Variants in LINGO2 observed in about 807,000 individuals in gnomAD.
The protein encoded by LINGO2 is leucine rich repeat and Ig domain containing 2.
A neutral mutation model predicts 30.6 loss-of-function variants in LINGO2; 14 were observed. The ratio of observed to expected loss-of-function variants is 0.46; its 90% CI spans 0.30 to 0.72. The LOEUF is 0.72. Ranked by LOEUF, LINGO2 falls within the 30% of genes least tolerant of loss-of-function variation. LINGO2 has a pLI of 0.07. For missense variants in LINGO2, 729 were observed against 751.7 expected (o/e 0.97, Z 0.35); for synonymous variants, 317 against 288.5 (o/e 1.10, Z -1.00).
intron 4 of LINGO2, among the ~76,000 whole-genome samples, chr9:28,174,173 G>A (rs553383470): frequency 1.6e-4 from 24 of 152,154 alleles, no homozygotes; most frequent in Non-Finnish European, 3.1e-4. Flanking sequence ...GGCTTAGTGT[G>A]GGTGACAACT....
chr9:28,241,267 C>CAAAAAAAAAAAAAAAAAAA (rs1164724626), intron 4 of LINGO2, among the ~76,000 whole-genome samples: 3 of 83,594 alleles, frequency 3.6e-5, no homozygotes, highest in Non-Finnish European at 4.6e-5. Flanking sequence ...GACCCTGTCT[C>CAAAAAAAAAAAAAAAAAAA]AAAAAAAAAA....
At chr9:28,437,406 A>G (rs971473094) in intron 2 of LINGO2, among the ~76,000 whole-genome samples, 2 of 152,092 alleles carry the variant, frequency 1.3e-5, no homozygotes, top group African/African-American at 4.8e-5. Flanking sequence ...GGCTGTCACA[A>G]TTGGCCGCAG....
At chr9:28,699,482 G>C in the LINGO2 span, among the ~76,000 whole-genome samples, 4 of 151,968 alleles carry the variant, frequency 2.6e-5, no homozygotes. Flanking sequence ...TGTGATGATT[G>C]GGTTAACTGT....
chr9:28,009,355 T>A (rs1414423374), intron 5 of LINGO2, among the ~76,000 whole-genome samples: 6 of 145,068 alleles, frequency 4.1e-5, no homozygotes, highest in African/African-American at 1.0e-4. Context: ...GCACAAGTGA[T>A]AAAAAAAAAA....
At chr9:28,738,374 T>C in the LINGO2 span, among the ~76,000 whole-genome samples, 1 of 152,156 alleles carries the variant, frequency 6.6e-6, no homozygotes, top group Non-Finnish European at 1.5e-5. Flanking sequence ...AATATACTTT[T>C]AGAAATTCTG....
At chr9:29,197,479 T>C in the LINGO2 span, among the ~76,000 whole-genome samples, 10 of 152,110 alleles carry the variant, frequency 6.6e-5, no homozygotes, top group Admixed American at 1.3e-4. Flanking sequence ...AAGACAGAGA[T>C]AAAATTATAA....
At chr9:28,980,264 G>A in the LINGO2 span, among the ~76,000 whole-genome samples, 2 of 152,060 alleles carry the variant, frequency 1.3e-5, no homozygotes, top group Non-Finnish European at 2.9e-5. Flanking sequence ...CTCACCAAGA[G>A]TATTGCAGGA....
intron 3 of LINGO2, among the ~76,000 whole-genome samples, chr9:28,340,430 G>A (rs1260322997): frequency 1.3e-5 from 2 of 151,828 alleles, no homozygotes; most frequent in African/African-American, 4.8e-5. Context: ...TTCTGGATGG[G>A]GTATAAAATG....
chr9:28,829,976 G>A, the LINGO2 span, among the ~76,000 whole-genome samples: 1 of 152,132 alleles, frequency 6.6e-6, no homozygotes, highest in Non-Finnish European at 1.5e-5. Flanking sequence ...TCATCATAAG[G>A]AACATACATT....
intron 1 of LINGO2, among the ~76,000 whole-genome samples, chr9:28,606,780 C>T (rs1041023612): frequency 2.6e-5 from 4 of 152,014 alleles, no homozygotes; most frequent in African/African-American, 9.7e-5. Flanking sequence ...ATGACAAGTA[C>T]TGTGCATGCA....
chr9:28,133,066 A>T (rs1827421232), intron 4 of LINGO2, among the ~76,000 whole-genome samples: 1 of 137,394 alleles, frequency 7.3e-6, no homozygotes, highest in Non-Finnish European at 1.6e-5. Context: ...AAGGCAGAAA[A>T]AGCCTTTGCC....
intron 3 of LINGO2, among the ~76,000 whole-genome samples, chr9:28,298,888 A>G (rs983411484): frequency 6.6e-5 from 10 of 152,210 alleles, no homozygotes; most frequent in African/African-American, 1.4e-4. Flanking sequence ...TGGAAAACAA[A>G]GGAGAAGAAA....
At chr9:28,903,010 A>T in the LINGO2 span, among the ~76,000 whole-genome samples, 1 of 151,884 alleles carries the variant, frequency 6.6e-6, no homozygotes, top group South Asian at 2.1e-4. Flanking sequence ...GTAGGAGGGT[A>T]AAAATAGTAA....
chr9:29,037,889 G>C, the LINGO2 span, among the ~76,000 whole-genome samples: 1 of 151,922 alleles, frequency 6.6e-6, no homozygotes, highest in African/African-American at 2.4e-5. Context: ...TGCATGGAAA[G>C]TACTATGCAA....
At chr9:28,442,950 A>G (rs1479792627) in intron 2 of LINGO2, among the ~76,000 whole-genome samples, 4 of 141,206 alleles carry the variant, frequency 2.8e-5, no homozygotes, top group African/African-American at 1.1e-4. Context: ...TATACTCAAT[A>G]TTAAAAATAT....
chr9:28,677,087 C>T, the LINGO2 span, among the ~76,000 whole-genome samples: 1 of 151,990 alleles, frequency 6.6e-6, no homozygotes, highest in Non-Finnish European at 1.5e-5. Flanking sequence ...TATTTGCATG[C>T]CTAATTCTCA....
chr9:28,369,604 T>C (rs1292096677), intron 3 of LINGO2, among the ~76,000 whole-genome samples: 1 of 152,028 alleles, frequency 6.6e-6, no homozygotes, highest in Non-Finnish European at 1.5e-5. Context: ...ATCAGACAGG[T>C]AGGTGGGTAA....
chr9:29,194,626 G>A, the LINGO2 span, among the ~76,000 whole-genome samples: 8 of 152,000 alleles, frequency 5.3e-5, no homozygotes, highest in African/African-American at 7.3e-5. Context: ...CAAATATTCC[G>A]AACACTTACC....
intron 5 of LINGO2, among the ~76,000 whole-genome samples, chr9:27,965,512 G>A (rs1330532831): frequency 8.6e-5 from 13 of 151,478 alleles, no homozygotes; most frequent in Non-Finnish European, 1.5e-5. Context: ...TCTTTCCAAT[G>A]GACTGTATCT....
Sources: gnomAD v4.1 joint callset for allele counts (sites outside exome capture counted in the v4.1 genomes callset) on GRCh38, gnomAD v4.1.1 for gene constraint, MANE v1.5 for transcripts, NCBI Gene and HGNC (gene_info 2026-07-23, HGNC 2026-07-21) for gene names.